Variants in GRIN2B observed in about 807,000 individuals in gnomAD.
The protein encoded by GRIN2B is glutamate ionotropic receptor NMDA type subunit 2B.
In GRIN2B, 5 loss-of-function variants were observed where a neutral mutation model predicts 114.5. The ratio of observed to expected loss-of-function variants is 0.04; its 90% CI spans 0.02 to 0.09. The LOEUF (loss-of-function observed/expected upper bound fraction) is 0.09, where lower values mean the gene tolerates loss of function less well. Ranked by LOEUF, GRIN2B falls within the 10% of genes least tolerant of loss-of-function variation. The pLI is 1.00. For missense variants in GRIN2B, 1,108 were observed against 1,943.5 expected, an observed-to-expected ratio of 0.57 and a Z score of 8.08; for synonymous variants, 787 against 745.1, an observed-to-expected ratio of 1.06 and a Z score of -0.92.
chr12:13,570,637 T>C (rs1047787398), intron 11 of GRIN2B, among the ~76,000 whole-genome samples: 1 of 151,876 alleles, frequency 6.6e-6, no homozygotes, highest in Admixed American at 6.6e-5. Context: ...TTACAGCATA[T>C]AGTTCCTAAA....
rs1948447376 is a variant in GRIN2B at position 13,553,910 on chromosome 12, AC to A, written c.*8872del. 1 of 146,704 alleles carries A rather than the reference AC, an allele frequency of 6.8e-6. No homozygotes were observed. Among genetic ancestry groups the A allele is most frequent in the African/African-American group, 2.4e-5 (1 of 41,174 alleles). The allele number at this position is 146,704 out of a possible 1,614,324, so 9.1% of individuals were successfully genotyped here. ...AAACAGTCCAAAACAACTTCAAAGG[AC>A]AAAGCACTTAGAAAAAGGACAAAGC... On this transcript the variant is annotated 3_prime_UTR_variant, in exon 14 of 14. Coordinates refer to ENST00000609686, the MANE Select transcript of GRIN2B (RefSeq NM_000834.5).
intron 3 of GRIN2B, among the ~76,000 whole-genome samples, chr12:13,773,513 T>C (rs536820784): frequency 2.6e-5 from 4 of 152,186 alleles, no homozygotes; most frequent in Non-Finnish European, 4.4e-5. Context: ...TTCCCAAAAG[T>C]GCTCAAAGGC....
At chr12:13,970,662 TTTCTC>T (rs1330276963) in intron 2 of GRIN2B, among the ~76,000 whole-genome samples, 2 of 149,082 alleles carry the variant, frequency 1.3e-5, no homozygotes, top group Admixed American at 6.8e-5. Flanking sequence ...ACAAAAGTGA[TTTCTC>T]TTCTACATGC....
At position 13,591,427 on chromosome 12, in the gene GRIN2B, A is replaced by G. The variant is rs184047434; in HGVS notation, c.2010+17176T>C. Among the ~76,000 whole-genome samples the G allele has an allele frequency of 1.4e-4, 21 of 152,376 alleles. No individual in the cohort carries two copies. The East Asian group carries it at 3.7e-3, about 27-fold the overall frequency. On this transcript the variant is annotated intron_variant, in intron 10 of 13. Coordinates refer to ENST00000609686, the MANE Select transcript of GRIN2B (RefSeq NM_000834.5). ...AGGCACTCTTCTAAGCTTTACAAAG[A>G]GTAACTCTTTCATCAGCACAGCAGC...
At chr12:13,896,546 A>G (rs1591608657) in intron 2 of GRIN2B, among the ~76,000 whole-genome samples, 2 of 152,212 alleles carry the variant, frequency 1.3e-5, no homozygotes, top group African/African-American at 4.8e-5. Flanking sequence ...ACATGTCTCC[A>G]AAATGAATAT....
rs1207273034 is a variant in GRIN2B, at chr12:13,616,512, G to C, written c.1271C>G (p.Pro424Arg). ...APFVIVESVDPLSGTCMRNTV... is the reference protein window; with the variant it reads ...APFVIVESVDRLSGTCMRNTV... Reference sequence around the variant, plus strand: ...GTTCCTCATGCAGGTTCCACTCAGAGGGTCCACACTTTCCACAATGACAAA... The same window carrying C: ...GTTCCTCATGCAGGTTCCACTCAGACGGTCCACACTTTCCACAATGACAAA... Residue 424 changes from proline (P) to arginine (R), a missense_variant, in exon 6 of 14, where the codon CCT becomes CGT. By Grantham distance (103) the Pro-to-Arg change is moderately radical (BLOSUM62 -2). This residue lies in a region of GRIN2B where 7 missense variants were observed against 39.9 expected (regional missense o/e 0.18). Transcript: ENST00000609686. 6.2e-7 allele frequency: 1 copy of C among 1,614,094 alleles called. No individual in the cohort carries two copies.
chr12:13,947,723 T>C (rs1216615597), intron 2 of GRIN2B, among the ~76,000 whole-genome samples: 1 of 152,170 alleles, frequency 6.6e-6, no homozygotes, highest in Non-Finnish European at 1.5e-5. Context: ...ACCCCACCTT[T>C]GGCTGTGGCT....
chr12:13,708,877 G>T (rs937658124), intron 4 of GRIN2B, among the ~76,000 whole-genome samples: 1 of 152,008 alleles, frequency 6.6e-6, no homozygotes, highest in Non-Finnish European at 1.5e-5. Context: ...TCCAGACTCT[G>T]TTCCCAGTAC....
At position 13,545,502 on chromosome 12, in the gene GRIN2B, G is replaced by C. The variant is rs1455825224; in HGVS notation, c.*17281C>G. 1 of 152,064 alleles carries C rather than the reference G, an allele frequency of 6.6e-6. No individual in the cohort carries two copies. The highest frequency in any genetic ancestry group is 6.5e-5 in the Admixed American group (1 of 15,274). 9.4% of individuals were successfully genotyped at this position (152,064 alleles called of 1,614,324 possible). ...ATCCAAAACATGCTCTGAAGCCACA[G>C]ACCAAATATCCCCAAAATAAGAGCT... is the stretch of plus-strand genomic sequence containing the variant. On this transcript the variant is annotated 3_prime_UTR_variant, in exon 14 of 14. Coordinates refer to ENST00000609686, the MANE Select transcript of GRIN2B (RefSeq NM_000834.5).
intron 3 of GRIN2B, among the ~76,000 whole-genome samples, chr12:13,786,352 A>G (rs908940202): frequency 3.3e-5 from 5 of 152,172 alleles, no homozygotes; most frequent in African/African-American, 1.2e-4. Flanking sequence ...TAAATGTCCT[A>G]TATACCCAAT....
chr12:13,932,988 C>CGT lies in GRIN2B; in HGVS notation c.-19+46938_-19+46939dup, dbSNP rs1297911830. ...GTGTGTGTGTGTGTGTGTGTGTGTG[C>CGT]GTGTGCGTGTGTGTGTGTTTGTGTG... On this transcript the variant is annotated intron_variant, in intron 2 of 13. Transcript: ENST00000609686. 1.1e-3 allele frequency among the ~76,000 whole-genome samples: 103 copies of CGT among 91,152 alleles called. 1 individual carries two copies. Among genetic ancestry groups the CGT allele is most frequent in the Middle Eastern group, 6.3e-3 (1 of 160 alleles). The allele number at this position is 91,152 out of a possible 152,430, so 59.8% of individuals were successfully genotyped here.
chr12:13,938,951 T>A (rs529019960), intron 2 of GRIN2B, among the ~76,000 whole-genome samples: 30 of 152,316 alleles, frequency 2.0e-4, no homozygotes, highest in African/African-American at 7.2e-4. Context: ...CTTCTCTTTT[T>A]GCCATTACAT....
chr12:13,849,068 A>G (rs190133048), intron 3 of GRIN2B, among the ~76,000 whole-genome samples: 4 of 152,280 alleles, frequency 2.6e-5, no homozygotes, highest in Non-Finnish European at 5.9e-5. Flanking sequence ...TTAGTCACCA[A>G]TTTGTTCTTG....
At chr12:13,818,933 G>A (rs1421090239) in intron 3 of GRIN2B, among the ~76,000 whole-genome samples, 4 of 152,262 alleles carry the variant, frequency 2.6e-5, no homozygotes, top group South Asian at 2.1e-4. Flanking sequence ...ACATAACCTC[G>A]AAAGAATACA....
chr12:13,810,147 C>T (rs1864699115), intron 3 of GRIN2B, among the ~76,000 whole-genome samples: 2 of 152,114 alleles, frequency 1.3e-5, no homozygotes, highest in Non-Finnish European at 2.9e-5. Flanking sequence ...CCCCCCTCCC[C>T]ACCAACCTCC....
intron 4 of GRIN2B, among the ~76,000 whole-genome samples, chr12:13,695,385 G>A (rs1950251355): frequency 6.6e-6 from 1 of 152,154 alleles, no homozygotes; most frequent in Non-Finnish European, 1.5e-5. Context: ...ATGGTTTAAA[G>A]ACTATGCTTG....
In GRIN2B at chr12:13,978,117, G is replaced by A. The variant is rs751574597; in HGVS notation, c.-19+1811C>T. Among the ~76,000 whole-genome samples, 5 of 152,282 alleles carry A rather than the reference G, an allele frequency of 3.3e-5. No homozygotes were observed. In the South Asian group the frequency reaches 1.0e-3, roughly 32 times the overall value. ...GTACTGGTGTTGTGGCACTGGGGAT[G>A]CAAAAGGGGCCCTGTGCCCCATCAA... is the stretch of plus-strand genomic sequence containing the variant. On this transcript the variant is annotated intron_variant, in intron 2 of 13. Coordinates refer to ENST00000609686, the MANE Select transcript of GRIN2B (RefSeq NM_000834.5).
chr12:13,810,141 C>G (rs1053801514), intron 3 of GRIN2B, among the ~76,000 whole-genome samples: 6 of 152,126 alleles, frequency 3.9e-5, no homozygotes, highest in African/African-American at 7.2e-5. Flanking sequence ...CCACCACCCC[C>G]CTCCCCACCA....
At chr12:13,862,260 G>C (rs765464143) in intron 3 of GRIN2B, among the ~76,000 whole-genome samples, 1 of 152,200 alleles carries the variant, frequency 6.6e-6, no homozygotes, top group African/African-American at 2.4e-5. Context: ...GCTGAACTGT[G>C]TCTGTGCTGT....
Sources: allele counts gnomAD v4.1 joint callset (sites outside exome capture counted in the v4.1 genomes callset), GRCh38; gene constraint gnomAD v4.1.1; regional missense constraint gnomAD v4.1.1; transcripts MANE v1.5; gene names NCBI Gene and HGNC (gene_info 2026-07-23, HGNC 2026-07-21).